The following TRRAP variants were observed in gnomAD, a reference collection of about 807,000 sequenced individuals.
TRRAP encodes transformation/transcription domain associated protein, also known as transformation/transcription domain-associated protein.
Under a neutral mutation model 438.8 loss-of-function variants are expected in TRRAP, and 41 were observed. That is an observed-to-expected ratio of 0.09 (90% CI 0.07 to 0.12). The LOEUF is 0.12. Ranked by LOEUF, TRRAP falls within the 10% of genes least tolerant of loss-of-function variation. The pLI is 1.00. For missense variants in TRRAP, 3,122 were observed against 5,055.1 expected, an observed-to-expected ratio of 0.62 and a Z score of 11.60; for synonymous variants, 1,994 against 1,962.9, an observed-to-expected ratio of 1.02 and a Z score of -0.42.
In TRRAP at chr7:98,965,821, G is replaced by A. The variant is rs1403280440; in HGVS notation, c.7102G>A (p.Ala2368Thr). ...LTSLIEKSPD[A>T]KILRAVVKIV... ...ATCCCTCATCGAAAAATCACCAGAT[G>A]CCAAAATCCTCCGGGCTGTGGTCAA... The change falls in exon 49 of 73, where the codon GCC becomes ACC. Residue 2368 changes from alanine to threonine, a missense_variant. Physicochemically the swap from Ala to Thr is moderately conservative, Grantham distance 58. Transcript: ENST00000456197. The A allele has an allele frequency of 6.2e-7, 1 of 1,614,164 alleles. No individual in the cohort carries two copies. The highest frequency in any genetic ancestry group is 1.7e-5 in the Admixed American group (1 of 60,026).
At chr7:98,920,591 G>A (rs945726956) in intron 20 of TRRAP, among the ~76,000 whole-genome samples, 3 of 152,102 alleles carry the variant, frequency 2.0e-5, no homozygotes, top group Admixed American at 6.5e-5. Context: ...AGTTGAGTGC[G>A]GATATTTCTT....
rs199920716 is a variant in TRRAP, at chr7:98,971,794, C to T, written c.7693-5C>T. ...TTTGGTTTTGCTTGCTGCTTTGTTTCTTAGGATGTAGAGATAGACATCGAA... is the reference window on the plus strand; with the variant it reads ...TTTGGTTTTGCTTGCTGCTTTGTTTTTTAGGATGTAGAGATAGACATCGAA... On this transcript the variant is annotated splice_polypyrimidine_tract_variant and splice_region_variant and intron_variant, in intron 52 of 72. Transcript: ENST00000456197. The T allele has an allele frequency of 1.2e-6, 2 of 1,612,122 alleles. No homozygotes were observed. Among genetic ancestry groups the T allele is most frequent in the East Asian group, 2.2e-5 (1 of 44,802 alleles).
chr7:98,963,609 C>A (rs1020285159), intron 47 of TRRAP, among the ~76,000 whole-genome samples: 1 of 152,150 alleles, frequency 6.6e-6, no homozygotes, highest in Non-Finnish European at 1.5e-5. Flanking sequence ...CACTCGGGAA[C>A]CACAGAGTAC....
rs782101547 is a variant in TRRAP, at chr7:98,931,392, C to T, written c.3592-13C>T. ...TCGCCCTGCTTTCATTCTAAGACAT[C>T]CCTGACTTGCAGGTTTCCAATGGGG... On this transcript the variant is annotated splice_polypyrimidine_tract_variant and intron_variant, in intron 25 of 72. Coordinates refer to ENST00000456197, the MANE Select transcript of TRRAP (RefSeq NM_001375524.1). The T allele has an allele frequency of 6.2e-7, 1 of 1,611,516 alleles. No homozygotes were observed.
Position 98,976,459 on chromosome 7 carries a change from A to G in TRRAP, c.7960-24A>G, listed in dbSNP as rs1250686945. 6.3e-7 allele frequency: 1 copy of G among 1,598,216 alleles called. No individual in the cohort carries two copies. The highest frequency in any genetic ancestry group is 1.7e-5 in the Admixed American group (1 of 59,792). On this transcript the variant is annotated intron_variant, in intron 54 of 72. Transcript: ENST00000456197. This position sits in a 1 kb window ranked among gnomAD's most constrained non-coding sequence, Gnocchi z 4.6. ...CTTGCCGATTTTTGAATGAAGGCCT[A>G]AATGACATGTGCTTTGGTTTCAGGC... is the stretch of plus-strand genomic sequence containing the variant.
intron 8 of TRRAP, among the ~76,000 whole-genome samples, chr7:98,898,330 TG>T (rs1554406108): frequency 6.6e-6 from 1 of 152,206 alleles, no homozygotes; most frequent in Non-Finnish European, 1.5e-5. Flanking sequence ...TCTCATTATC[TG>T]AAAAACCTGT....
intron 51 of TRRAP, among the ~76,000 whole-genome samples, chr7:98,969,800 G>A (rs571138979): frequency 6.6e-6 from 1 of 152,204 alleles, no homozygotes; most frequent in Non-Finnish European, 1.5e-5. Context: ...TCAGGAGGAC[G>A]AGTCTGGGGG....
At chr7:98,989,427 A>G (rs1195463264) in intron 63 of TRRAP, among the ~76,000 whole-genome samples, 1 of 152,242 alleles carries the variant, frequency 6.6e-6, no homozygotes, top group Non-Finnish European at 1.5e-5. Context: ...CCACGTGCTC[A>G]CTGAAGGATG....
chr7:98,980,657 C>T (rs946649904), intron 58 of TRRAP, among the ~76,000 whole-genome samples: 5 of 152,298 alleles, frequency 3.3e-5, no homozygotes, highest in Admixed American at 6.5e-5. Context: ...TTTAAAATGA[C>T]AGTAAAATTT....
intron 29 of TRRAP, 129 bp from the exon 30 acceptor site, chr7:98,937,521 G>A (rs1435229668): frequency 8.6e-6 from 10 of 1,157,370 alleles, no homozygotes; most frequent in Non-Finnish European, 1.2e-5. Flanking sequence ...TTCTGAAATA[G>A]TATATGATTA....
rs181241336 is a variant in TRRAP, at chr7:98,918,451, A to G, written c.2622+772A>G. Among the ~76,000 whole-genome samples the G allele has an allele frequency of 5.4e-3, 823 of 151,690 alleles. 3 individuals carry two copies. Among genetic ancestry groups the G allele is most frequent in the African/African-American group, 0.018 (729 of 41,358 alleles). On this transcript the variant is annotated intron_variant, in intron 20 of 72. Coordinates refer to ENST00000456197, the MANE Select transcript of TRRAP (RefSeq NM_001375524.1). ...CACCATATTGGCCAGGCTGGTCTCA[A>G]ACTCCTGACCTCATGATCCGCCCAC... is the stretch of plus-strand genomic sequence containing the variant.
At position 98,948,768 on chromosome 7, in the gene TRRAP, C is replaced by A; in HGVS notation, c.4788+83C>A. The A allele has an allele frequency of 6.3e-7, 1 of 1,597,530 alleles. No homozygotes were observed. The highest frequency in any genetic ancestry group is 2.2e-5 in the East Asian group (1 of 44,604). On this transcript the variant is annotated intron_variant, in intron 35 of 72. Coordinates refer to ENST00000456197, the MANE Select transcript of TRRAP (RefSeq NM_001375524.1). The surrounding 1 kb of genome is among the most constrained non-coding windows in gnomAD (Gnocchi z 4.9). Reference sequence around the variant, plus strand: ...GCTCTGAAATGTTCAGTTCATATTTCACTATTCAGTGTCCTGGCTGCTTTT... The same window carrying A: ...GCTCTGAAATGTTCAGTTCATATTTAACTATTCAGTGTCCTGGCTGCTTTT...
chr7:98,993,506 G>A (rs767846024), intron 65 of TRRAP, 32 bp from the exon 66 acceptor site: 12 of 1,601,852 alleles, frequency 7.5e-6, no homozygotes, highest in East Asian at 2.2e-5. Flanking sequence ...TCGGTTTTGC[G>A]CTGACACTGG....
At chr7:98,972,514 A>G (rs976245383) in intron 53 of TRRAP, among the ~76,000 whole-genome samples, 2 of 152,208 alleles carry the variant, frequency 1.3e-5, no homozygotes, top group African/African-American at 2.4e-5. Context: ...AATTTGCTAA[A>G]TCAAGCCCAC....
Position 98,903,516 on chromosome 7 carries a change from C to T in TRRAP, c.1035C>T (p.Asn345=), listed in dbSNP as rs782398398. The T allele has an allele frequency of 5.0e-6, 8 of 1,613,992 alleles. No individual in the cohort carries two copies. Among genetic ancestry groups the T allele is most frequent in the Non-Finnish European group, 6.8e-6 (8 of 1,180,016 alleles). ...ACATCCTCACCACAGAGCTGAGAAACCGTACGTCCAGCCTGTCTTGTCTTG... is the reference window on the plus strand; with the variant it reads ...ACATCCTCACCACAGAGCTGAGAAATCGTACGTCCAGCCTGTCTTGTCTTG... ...AKHILTTELR[N]QFIPCMDKLF... Residue 345 remains asparagine, a splice_region_variant and synonymous_variant, in exon 12 of 73, where the codon AAC becomes AAT. Coordinates refer to ENST00000456197, the MANE Select transcript of TRRAP (RefSeq NM_001375524.1).
At chr7:98,931,096 T>G (rs73155633) in intron 25 of TRRAP, among the ~76,000 whole-genome samples, 4,189 of 152,300 alleles carry the variant, frequency 0.028, 84 homozygotes, top group South Asian at 0.055. Context: ...GAATTCTGCT[T>G]CTCATGTGCT....
At position 98,930,731 on chromosome 7, in the gene TRRAP, T is replaced by G. The variant is rs781926676; in HGVS notation, c.3492T>G (p.Ile1164Met). The change falls in exon 25 of 73, where the codon ATT (isoleucine) becomes ATG (methionine). Residue 1164 changes from isoleucine (I) to methionine (M), a missense_variant. Physicochemically the swap from Ile to Met is conservative, Grantham distance 10. Transcript: ENST00000456197. ...CAAAGCTGGGGGGTGTGGTGTCTAT[T>G]AAGTTTCTCATGGAGCGGCTGCCTC... ...WYAKLGGVVS[I>M]KFLMERLPLT... 6.2e-7 allele frequency: 1 copy of G among 1,614,226 alleles called. No homozygotes were observed. The highest frequency in any genetic ancestry group is 2.2e-5 in the East Asian group (1 of 44,882).
chr7:98,961,902 A>G (rs552943760), intron 46 of TRRAP, among the ~76,000 whole-genome samples: 1 of 152,332 alleles, frequency 6.6e-6, no homozygotes, highest in African/African-American at 2.4e-5. Context: ...CCTGGGCAAC[A>G]AGAGCAAAAC....
rs1791780572 is a variant in TRRAP at position 98,959,428 on chromosome 7, C to T, written c.6427C>T (p.Pro2143Ser). The change falls in exon 45 of 73, where the codon CCA (proline) becomes TCA (serine). Residue 2143 changes from proline (P) to serine (S), a missense_variant. Pro to Ser is a moderately conservative substitution (Grantham distance 74). Transcript: ENST00000456197. ...CVNLLKTALRPDMWPKSELKL... is the reference protein window; with the variant it reads ...CVNLLKTALRSDMWPKSELKL... ...GAACCTTCTGAAGACTGCGTTGCGG[C>T]CAGACATGTGGCCCAAGTCCGAACT... is the stretch of plus-strand genomic sequence containing the variant. 6.2e-7 allele frequency: 1 copy of T among 1,613,874 alleles called. No individual in the cohort carries two copies. Among genetic ancestry groups the T allele is most frequent in the Non-Finnish European group, 8.5e-7 (1 of 1,180,016 alleles).
Sources: allele counts gnomAD v4.1 joint callset (sites outside exome capture counted in the v4.1 genomes callset), GRCh38; gene constraint gnomAD v4.1.1; non-coding constraint Gnocchi (gnomAD v3.1); transcripts MANE v1.5; gene names NCBI Gene and HGNC (gene_info 2026-07-23, HGNC 2026-07-21).